Variants in TMEM38B observed in about 807,000 individuals in gnomAD.
The protein encoded by TMEM38B is trimeric intracellular cation channel type B.
TMEM38B carries 24 observed loss-of-function variants against 28.7 expected under a neutral mutation model. The observed-to-expected ratio is 0.84, with a 90% CI of 0.61 to 1.18. The LOEUF (loss-of-function observed/expected upper bound fraction) is 1.18, where lower values mean the gene tolerates loss of function less well. Among genes scored for constraint, TMEM38B ranks in the 50% most tolerant of loss-of-function variants. The pLI is 0.00. For synonymous variants in TMEM38B, 131 were observed against 127.7 expected, an observed-to-expected ratio of 1.03 and a Z score of -0.17; for missense variants, 380 against 350.9, an observed-to-expected ratio of 1.08 and a Z score of -0.66.
At chr9:105,716,599 C>T (rs189671764) in intron 2 of TMEM38B, among the ~76,000 whole-genome samples, 5 of 152,248 alleles carry the variant, frequency 3.3e-5, no homozygotes, top group African/African-American at 1.2e-4. Context: ...GTTGTAAGTA[C>T]AGTTGACCCT....
At chr9:105,710,549 C>T in intron 2 of TMEM38B, 2 of 1,008,138 alleles carry the variant, frequency 2.0e-6, no homozygotes, top group South Asian at 2.5e-5. Flanking sequence ...CTGCCCTCCA[C>T]AAATCCACTT....
chr9:105,744,684 C>T (rs1837326300), intron 4 of TMEM38B, among the ~76,000 whole-genome samples: 1 of 151,922 alleles, frequency 6.6e-6, no homozygotes, highest in Non-Finnish European at 1.5e-5. Context: ...GTGCTACACC[C>T]ATTAACTCGT....
intron 2 of TMEM38B, among the ~76,000 whole-genome samples, chr9:105,717,218 A>G (rs1836134650): frequency 6.6e-6 from 1 of 152,154 alleles, no homozygotes. Flanking sequence ...TTCCGCCTTC[A>G]GAAGTAACCA....
intron 4 of TMEM38B, among the ~76,000 whole-genome samples, chr9:105,725,947 T>C (rs1362152448): frequency 3.3e-5 from 5 of 152,310 alleles, no homozygotes; most frequent in Non-Finnish European, 7.4e-5. Context: ...CTTAGCTTAC[T>C]GTAACTTTTT....
chr9:105,766,563 G>A (rs1826379813), intron 5 of TMEM38B, among the ~76,000 whole-genome samples: 1 of 151,802 alleles, frequency 6.6e-6, no homozygotes, highest in Non-Finnish European at 1.5e-5. Context: ...CTTTTTCTTT[G>A]TTTAGTGTTG....
rs533738679 is a variant in TMEM38B, at chr9:105,760,028, T to A, written c.660+11838T>A. 1.5e-4 allele frequency: 209 copies of A among 1,375,980 alleles called. 1 individual carries two copies. In the African/African-American group the frequency reaches 2.8e-3, roughly 18 times the overall value. The allele number at this position is 1,375,980 out of a possible 1,614,324, so 85.2% of individuals were successfully genotyped here. On this transcript the variant is annotated intron_variant, in intron 5 of 5. Coordinates refer to ENST00000374692, the MANE Select transcript of TMEM38B (RefSeq NM_018112.3). ...AGACTCTGCAAAAGTTCAATAGAAT[T>A]TTCAGAAAATTCTTTACTTCCAGCT...
rs550895786 is a variant in TMEM38B, at chr9:105,770,636, T to C, written c.661-3229T>C. Among the ~76,000 whole-genome samples, 6 of 152,234 alleles carry C rather than the reference T, an allele frequency of 3.9e-5. No homozygotes were observed. The South Asian group carries it at 1.2e-3, about 32-fold the overall frequency. On this transcript the variant is annotated intron_variant, in intron 5 of 5. Coordinates refer to ENST00000374692, the MANE Select transcript of TMEM38B (RefSeq NM_018112.3). ...CGAAGTCTGAGGGAATAACATAATC[T>C]ATGGAGAAAGCATAGAGTGATCAGA... is the stretch of plus-strand genomic sequence containing the variant.
At chr9:105,710,375 T>C (rs983820279) in intron 2 of TMEM38B, 2 of 800,414 alleles carry the variant, frequency 2.5e-6, no homozygotes, top group East Asian at 2.5e-5. Flanking sequence ...ATAGTTGTTA[T>C]GAAAAGACTG....
chr9:105,697,319 T>C (rs1835323024), intron 1 of TMEM38B, among the ~76,000 whole-genome samples: 3 of 152,202 alleles, frequency 2.0e-5, no homozygotes. Context: ...TATTGAATAC[T>C]TATATAGTAT....
At chr9:105,750,815 T>A (rs1837621088) in intron 5 of TMEM38B, among the ~76,000 whole-genome samples, 1 of 152,200 alleles carries the variant, frequency 6.6e-6, no homozygotes, top group African/African-American at 2.4e-5. Flanking sequence ...TGAGTTAAAT[T>A]TTGTGTATGG....
At position 105,749,519 on chromosome 9, in the gene TMEM38B, A is replaced by C. The variant is rs183576879; in HGVS notation, c.660+1329A>C. ...TCTGGCCCCGCCCTTGTACAATTCA[A>C]GGTGAGATTTGAGAGTGGAGATATG... On this transcript the variant is annotated intron_variant, in intron 5 of 5. Transcript: ENST00000374692. 3.9e-5 allele frequency among the ~76,000 whole-genome samples: 6 copies of C among 152,318 alleles called. No homozygotes were observed. In the East Asian group the frequency reaches 1.2e-3, roughly 29 times the overall value.
intron 5 of TMEM38B, among the ~76,000 whole-genome samples, chr9:105,766,994 A>G (rs1826396781): frequency 6.9e-6 from 1 of 145,664 alleles, no homozygotes; most frequent in African/African-American, 2.5e-5. Flanking sequence ...TGCGGTGTTT[A>G]GTTTTCTGTC....
chr9:105,759,708 A>C (rs1038625801), intron 5 of TMEM38B: 1 of 1,598,412 alleles, frequency 6.3e-7, no homozygotes, highest in South Asian at 1.1e-5. Context: ...CCAAACAGGA[A>C]TTCCTGTTGA....
chr9:105,718,241 G>GTT (rs367698929), intron 2 of TMEM38B, among the ~76,000 whole-genome samples: 6 of 141,494 alleles, frequency 4.2e-5, no homozygotes, highest in South Asian at 2.3e-4. Context: ...TTCATTTGAG[G>GTT]TTTTTTTTTT....
chr9:105,695,315 A>G (rs1225124465), intron 1 of TMEM38B, among the ~76,000 whole-genome samples: 2 of 152,122 alleles, frequency 1.3e-5, no homozygotes, highest in African/African-American at 2.4e-5. Flanking sequence ...GCACTGAAAC[A>G]AAAAGCCTCC....
chr9:105,710,157 G>T, intron 2 of TMEM38B: 2 of 317,842 alleles, frequency 6.3e-6, no homozygotes, highest in East Asian at 1.2e-4. Context: ...TATTTGTACA[G>T]TATTCATACT....
At chr9:105,744,893 C>T (rs1837333620) in intron 4 of TMEM38B, among the ~76,000 whole-genome samples, 1 of 152,128 alleles carries the variant, frequency 6.6e-6, no homozygotes, top group South Asian at 2.1e-4. Context: ...CAGCTTCATC[C>T]ATGTCCCTAC....
intron 5 of TMEM38B, chr9:105,759,046 A>G (rs1837937162): frequency 4.7e-6 from 4 of 847,026 alleles, no homozygotes; most frequent in Admixed American, 1.7e-5. Flanking sequence ...AACAAATCAG[A>G]TGACCTCCCT....
In TMEM38B at chr9:105,694,550, G is replaced by A. The variant is rs1485532082; in HGVS notation, c.-111G>A. On this transcript the variant is annotated 5_prime_UTR_variant, in exon 1 of 6. Transcript: ENST00000374692. ...GCCAGGGCGCACGCGCGGAGCTGGAGCCGGCGCGGAGGAGCGGGCGGCCGC... is the reference window on the plus strand; with the variant it reads ...GCCAGGGCGCACGCGCGGAGCTGGAACCGGCGCGGAGGAGCGGGCGGCCGC... The A allele has an allele frequency of 7.2e-6, 5 of 697,098 alleles. No homozygotes were observed. The highest frequency in any genetic ancestry group is 9.0e-6 in the Non-Finnish European group (4 of 444,918). 43.2% of individuals were successfully genotyped at this position (697,098 alleles called of 1,614,324 possible). A position where few individuals can be genotyped will look rare whatever the true frequency, so the allele number is the denominator to read the frequency against.
Sources: gnomAD v4.1 joint callset for allele counts (sites outside exome capture counted in the v4.1 genomes callset) on GRCh38, gnomAD v4.1.1 for gene constraint, MANE v1.5 for transcripts, NCBI Gene and HGNC (gene_info 2026-07-23, HGNC 2026-07-21) for gene names.